The following NFE2L2 variants were observed in gnomAD, a reference collection of about 807,000 sequenced individuals.
NFE2L2 encodes the protein NFE2 like bZIP transcription factor 2.
In NFE2L2, 20 loss-of-function variants were observed where a neutral mutation model predicts 49.6. The observed-to-expected ratio is 0.40, with a 90% CI of 0.28 to 0.59. NFE2L2 has a LOEUF of 0.59. NFE2L2 is among the 20% of genes least tolerant of loss of function. The probability of loss-of-function intolerance (pLI) is 0.40; values close to 1 mark genes in which losing one functional copy is unlikely to be tolerated. For synonymous variants in NFE2L2, 244 were observed against 256.5 expected, an observed-to-expected ratio of 0.95 and a Z score of 0.47; for missense variants, 578 against 714.2, an observed-to-expected ratio of 0.81 and a Z score of 2.17.
intron 1 of NFE2L2, among the ~76,000 whole-genome samples, chr2:177,262,123 T>C (rs1040748448): frequency 2.0e-5 from 3 of 152,248 alleles, no homozygotes; most frequent in Admixed American, 1.3e-4. Flanking sequence ...GTTATGCATT[T>C]ATCCTCCTAC....
rs201754107 is a variant in NFE2L2 at position 177,235,342 on chromosome 2, T to TA, written c.46-1072dup. On this transcript the variant is annotated intron_variant, in intron 1 of 4. Transcript: ENST00000397062. Reference sequence around the variant, plus strand: ...GTCCCAGCTACTCAGGAGGCTGAGGTAGGAGGATCACTTCAGTCCAGGAGG... The same window carrying TA: ...GTCCCAGCTACTCAGGAGGCTGAGGTAAGGAGGATCACTTCAGTCCAGGAGG... Among the ~76,000 whole-genome samples, 370 of 150,930 alleles carry TA rather than the reference T, an allele frequency of 2.5e-3. 8 individuals carry two copies. The East Asian group carries it at 0.041, about 17-fold the overall frequency.
At chr2:177,245,799 G>A (rs190382043) in intron 1 of NFE2L2, among the ~76,000 whole-genome samples, 1 of 152,196 alleles carries the variant, frequency 6.6e-6, no homozygotes, top group Non-Finnish European at 1.5e-5. Context: ...TAGTAGGGAT[G>A]GGGTTTTGCC....
intron 1 of NFE2L2, among the ~76,000 whole-genome samples, chr2:177,253,932 A>G (rs1164673432): frequency 1.3e-5 from 2 of 152,184 alleles, no homozygotes; most frequent in Non-Finnish European, 2.9e-5. Context: ...GAATTTTCTT[A>G]GCGGATTCTA....
intron 3 of NFE2L2, 134 bp downstream of exon 3, chr2:177,233,116 G>T: frequency 4.2e-6 from 3 of 710,632 alleles, no homozygotes; most frequent in East Asian, 3.2e-5. Flanking sequence ...GTATTTCCTT[G>T]GTTAAAAAAT....
intron 1 of NFE2L2, among the ~76,000 whole-genome samples, chr2:177,257,221 C>T (rs1401369414): frequency 1.3e-5 from 2 of 152,188 alleles, no homozygotes; most frequent in Non-Finnish European, 2.9e-5. Context: ...GACAGTGTTC[C>T]GTCCTGGCCT....
chr2:177,259,226 C>T (rs756685080), intron 1 of NFE2L2, among the ~76,000 whole-genome samples: 5 of 151,622 alleles, frequency 3.3e-5, no homozygotes, highest in African/African-American at 4.8e-5. Context: ...CGCTTGAACT[C>T]GGGAGGTGGA....
intron 1 of NFE2L2, among the ~76,000 whole-genome samples, chr2:177,262,828 TA>T (rs1219850275): frequency 3.9e-5 from 6 of 152,238 alleles, no homozygotes; most frequent in African/African-American, 1.4e-4. Flanking sequence ...AGCATTCCTA[TA>T]GATAACTCTT....
At chr2:177,263,757 A>G (rs1690832220) in intron 1 of NFE2L2, 1 of 985,356 alleles carries the variant, frequency 1.0e-6, no homozygotes, top group Non-Finnish European at 1.2e-6. Flanking sequence ...ACGAGGGGCC[A>G]ACTCCGGGTG....
rs1373716429 is a variant in NFE2L2, at chr2:177,231,884, C to T, written c.719G>A (p.Gly240Asp). The T allele has an allele frequency of 6.2e-7, 1 of 1,614,120 alleles. No individual in the cohort carries two copies. The highest frequency in any genetic ancestry group is 1.1e-5 in the South Asian group (1 of 91,082). ...SSIPSMEKEV[G>D]NCSPHFLNAF... ...ATTAAGAAAATGTGGACTACAGTTA[C>T]CTACTTCTTTTTCCATTGAGGGTAT... The change falls in exon 5 of 5, where the codon GGT (glycine) becomes GAT (aspartate). Residue 240 changes from glycine (G) to aspartate (D), a missense_variant. Gly to Asp is a moderately conservative substitution (Grantham distance 94). This residue lies in a region of NFE2L2 where 368 missense variants were observed against 384.6 expected (regional missense o/e 0.96). Coordinates refer to ENST00000397062, the MANE Select transcript of NFE2L2 (RefSeq NM_006164.5).
chr2:177,258,295 G>C (rs1303335225), intron 1 of NFE2L2, among the ~76,000 whole-genome samples: 1 of 152,220 alleles, frequency 6.6e-6, no homozygotes, highest in Non-Finnish European at 1.5e-5. Context: ...TTTAAACCTT[G>C]AAAACATATT....
At chr2:177,257,439 T>C (rs2105491539) in intron 1 of NFE2L2, among the ~76,000 whole-genome samples, 1 of 152,230 alleles carries the variant, frequency 6.6e-6, no homozygotes, top group East Asian at 1.9e-4. Flanking sequence ...GCCCAGGTTA[T>C]ATATATTTAG....
At chr2:177,264,060 G>A (rs1034882524) in intron 1 of NFE2L2, among the ~76,000 whole-genome samples, 23 of 152,154 alleles carry the variant, frequency 1.5e-4, no homozygotes, top group African/African-American at 5.3e-4. Flanking sequence ...CAGTTCCCCC[G>A]AGAGCGGCCC....
intron 1 of NFE2L2, 63 bp from the exon 2 acceptor site, chr2:177,234,334 AAATT>A: frequency 6.6e-7 from 1 of 1,514,104 alleles, no homozygotes; most frequent in East Asian, 2.3e-5. Context: ...GATACCACAT[AAATT>A]AATTCACATT....
At chr2:177,263,390 TC>T (rs1690811679) in intron 1 of NFE2L2, 1 of 985,318 alleles carries the variant, frequency 1.0e-6, no homozygotes, top group African/African-American at 1.7e-5. Flanking sequence ...TAATCTACAC[TC>T]GCAACTCTTA....
chr2:177,237,527 AT>A (rs10706328), intron 1 of NFE2L2, among the ~76,000 whole-genome samples: 4,073 of 151,570 alleles, frequency 0.027, 164 homozygotes, highest in African/African-American at 0.083. Flanking sequence ...ACTTTATTTT[AT>A]TTTTTTTTGA....
At chr2:177,256,551 A>G (rs1333797034) in intron 1 of NFE2L2, among the ~76,000 whole-genome samples, 1 of 152,008 alleles carries the variant, frequency 6.6e-6, no homozygotes, top group Non-Finnish European at 1.5e-5. Flanking sequence ...AAATGCAAGA[A>G]GTGTATGTTG....
chr2:177,239,713 G>A (rs754119687), intron 1 of NFE2L2, among the ~76,000 whole-genome samples: 1 of 152,024 alleles, frequency 6.6e-6, no homozygotes, highest in African/African-American at 2.4e-5. Context: ...CTTGCTATGA[G>A]AGGTCTCAAA....
rs1487380145 is a variant in NFE2L2, at chr2:177,264,673, G to GCGGCGGTGGCGGCTGCGT, written c.-115_-98dup. 7.8e-6 allele frequency: 9 copies of GCGGCGGTGGCGGCTGCGT among 1,154,760 alleles called. No homozygotes were observed. In the Admixed American group the frequency reaches 2.1e-4, roughly 27 times the overall value. 71.5% of individuals were successfully genotyped at this position (1,154,760 alleles called of 1,614,324 possible). ...CAGGGCGGCTCTGGTGGCGGCGGCG[G>GCGGCGGTGGCGGCTGCGT]CGGCGGTGGCGGCTGCGTCGGCGGC... On this transcript the variant is annotated 5_prime_UTR_variant, in exon 1 of 5. Coordinates refer to ENST00000397062, the MANE Select transcript of NFE2L2 (RefSeq NM_006164.5).
In NFE2L2 at chr2:177,232,596, A is replaced by T; in HGVS notation, c.403-13T>A. ...TAGCCGAAGAAACCTAAAATTGATA[A>T]GGCATTGATTTATGAGTCTTCCACC... On this transcript the variant is annotated splice_polypyrimidine_tract_variant and intron_variant, in intron 3 of 4. Coordinates refer to ENST00000397062, the MANE Select transcript of NFE2L2 (RefSeq NM_006164.5). 6.2e-7 allele frequency: 1 copy of T among 1,612,548 alleles called. No individual in the cohort carries two copies. Among genetic ancestry groups the T allele is most frequent in the Non-Finnish European group, 8.5e-7 (1 of 1,178,842 alleles).
Sources: gnomAD v4.1 joint callset for allele counts (sites outside exome capture counted in the v4.1 genomes callset) on GRCh38, gnomAD v4.1.1 for gene constraint, gnomAD v4.1.1 regional missense constraint, MANE v1.5 for transcripts, NCBI Gene and HGNC (gene_info 2026-07-23, HGNC 2026-07-21) for gene names.